Variants in RBFOX1 observed in about 807,000 individuals in gnomAD.
RBFOX1 encodes the protein RNA binding protein fox-1 homolog 1.
A neutral mutation model predicts 57.7 loss-of-function variants in RBFOX1; 8 were observed. That is an observed-to-expected ratio of 0.14 (90% CI 0.08 to 0.25). The LOEUF (loss-of-function observed/expected upper bound fraction) is 0.25, where lower values mean the gene tolerates loss of function less well. Ranked by LOEUF, RBFOX1 falls within the 10% of genes least tolerant of loss-of-function variation. The pLI is 1.00. For synonymous variants in RBFOX1, 326 were observed against 222.4 expected, an observed-to-expected ratio of 1.47 and a Z score of -4.15; for missense variants, 611 against 548.5, an observed-to-expected ratio of 1.11 and a Z score of -1.14.
chr16:6,372,433 G>C (rs1018511830), intron 2 of RBFOX1, among the ~76,000 whole-genome samples: 1 of 151,570 alleles, frequency 6.6e-6, no homozygotes, highest in Non-Finnish European at 1.5e-5. Flanking sequence ...AGTATAGTTG[G>C]ATGGAAGGAT....
intron 3 of RBFOX1, among the ~76,000 whole-genome samples, chr16:6,688,261 T>G (rs916467982): frequency 1.3e-5 from 2 of 151,676 alleles, no homozygotes; most frequent in Non-Finnish European, 2.9e-5. Flanking sequence ...TGCTACACAA[T>G]TGTAAACAAC....
chr16:6,404,159 C>G (rs1370813900), intron 2 of RBFOX1, among the ~76,000 whole-genome samples: 1 of 152,140 alleles, frequency 6.6e-6, no homozygotes, highest in East Asian at 1.9e-4. Context: ...CTATACTGAA[C>G]ATGAGCAGAT....
intron 2 of RBFOX1, among the ~76,000 whole-genome samples, chr16:5,595,148 A>G (rs2047141466): frequency 6.6e-6 from 1 of 152,092 alleles, no homozygotes; most frequent in South Asian, 2.1e-4. Context: ...TCCATCTCAA[A>G]AACCACAAAA....
At chr16:5,935,403 T>G (rs1308103853) in intron 4 of RBFOX1, among the ~76,000 whole-genome samples, 3 of 152,120 alleles carry the variant, frequency 2.0e-5, no homozygotes, top group African/African-American at 7.2e-5. Flanking sequence ...GGTTTCTGTG[T>G]AAGGATCAGG....
chr16:7,085,769 C>G (rs1046706464), intron 4 of RBFOX1, among the ~76,000 whole-genome samples: 1 of 152,136 alleles, frequency 6.6e-6, no homozygotes, highest in Non-Finnish European at 1.5e-5. Flanking sequence ...ACTGTAATGA[C>G]AGAGTGTGTT....
intron 4 of RBFOX1, among the ~76,000 whole-genome samples, chr16:7,304,809 T>C (rs996299403): frequency 6.6e-6 from 1 of 152,156 alleles, no homozygotes; most frequent in Non-Finnish European, 1.5e-5. Context: ...CTAAGACCCC[T>C]TTGATGCTAA....
chr16:5,889,491 T>C (rs2057992070), intron 4 of RBFOX1, among the ~76,000 whole-genome samples: 1 of 152,244 alleles, frequency 6.6e-6, no homozygotes. Flanking sequence ...GTTGATTTCA[T>C]GTCTTTACTA....
chr16:5,272,978 A>G (rs1170672423), intron 1 of RBFOX1, among the ~76,000 whole-genome samples: 1 of 152,184 alleles, frequency 6.6e-6, no homozygotes, highest in Non-Finnish European at 1.5e-5. Flanking sequence ...TCCCTATAAA[A>G]TCTATTCTTT....
At chr16:6,906,787 A>G (rs2070096766) in intron 3 of RBFOX1, among the ~76,000 whole-genome samples, 1 of 151,380 alleles carries the variant, frequency 6.6e-6, no homozygotes, top group Non-Finnish European at 1.5e-5. Flanking sequence ...CAGTGGTGAA[A>G]TTTCAGCTCA....
At chr16:6,643,555 A>T (rs1412656897) in intron 2 of RBFOX1, among the ~76,000 whole-genome samples, 3 of 152,196 alleles carry the variant, frequency 2.0e-5, no homozygotes, top group Non-Finnish European at 4.4e-5. Flanking sequence ...GAAAGCCAGA[A>T]CACCCTCGTT....
intron 1 of RBFOX1, among the ~76,000 whole-genome samples, chr16:5,286,138 C>G (rs2063389273): frequency 6.6e-6 from 1 of 152,134 alleles, no homozygotes; most frequent in African/African-American, 2.4e-5. Flanking sequence ...AAGTCTTGTC[C>G]TTCGGCATCA....
At chr16:5,764,453 T>G (rs936397170) in intron 3 of RBFOX1, among the ~76,000 whole-genome samples, 4 of 152,192 alleles carry the variant, frequency 2.6e-5, no homozygotes, top group Admixed American at 2.6e-4. Context: ...TTATTCTTAT[T>G]ATTTATACTT....
intron 3 of RBFOX1, among the ~76,000 whole-genome samples, chr16:5,645,422 A>G (rs1341121367): frequency 6.6e-6 from 1 of 152,168 alleles, no homozygotes; most frequent in African/African-American, 2.4e-5. Flanking sequence ...GAGAGCTGGG[A>G]TGAGGTTTCT....
chr16:6,072,196 T>C (rs1470655352), intron 1 of RBFOX1, among the ~76,000 whole-genome samples: 1 of 152,124 alleles, frequency 6.6e-6, no homozygotes, highest in Non-Finnish European at 1.5e-5. Context: ...ATGAGTCTTA[T>C]TCACTATCAG....
At chr16:7,450,941 G>A (rs1021022100) in intron 4 of RBFOX1, among the ~76,000 whole-genome samples, 12 of 152,164 alleles carry the variant, frequency 7.9e-5, no homozygotes, top group Non-Finnish European at 1.0e-4. Flanking sequence ...GCCAGCCCAG[G>A]AAGAGGCCTC....
chr16:5,728,481 C>T (rs576822551), intron 3 of RBFOX1, among the ~76,000 whole-genome samples: 3 of 152,278 alleles, frequency 2.0e-5, no homozygotes, highest in South Asian at 2.1e-4. Context: ...TGGAGTTCCC[C>T]TGGAGTGAGG....
At chr16:7,206,761 C>A (rs2090063286) in intron 4 of RBFOX1, among the ~76,000 whole-genome samples, 1 of 152,018 alleles carries the variant, frequency 6.6e-6, no homozygotes, top group African/African-American at 2.4e-5. Context: ...TAGCTGAATT[C>A]CCAGTCCTGG....
chr16:7,392,614 A>T (rs1019497055), intron 4 of RBFOX1, among the ~76,000 whole-genome samples: 7 of 152,216 alleles, frequency 4.6e-5, no homozygotes, highest in Non-Finnish European at 1.0e-4. Context: ...GGCTAGAGTC[A>T]GAGCCACTTT....
At chr16:6,982,147 A>G (rs574500522) in intron 3 of RBFOX1, among the ~76,000 whole-genome samples, 3 of 152,182 alleles carry the variant, frequency 2.0e-5, no homozygotes, top group Non-Finnish European at 2.9e-5. Flanking sequence ...AGAGTTATCC[A>G]TGTTTATGGT....
Sources: gnomAD v4.1 joint callset for allele counts (sites outside exome capture counted in the v4.1 genomes callset) on GRCh38, gnomAD v4.1.1 for gene constraint, MANE v1.5 for transcripts, NCBI Gene and HGNC (gene_info 2026-07-23, HGNC 2026-07-21) for gene names.